Variants in UMAD1 observed in about 807,000 individuals in gnomAD.
UMAD1 encodes UBAP1-MVB12-associated (UMA) domain containing 1, also known as UBAP1-MVB12-associated (UMA)-domain containing protein 1.
UMAD1 carries 8 observed loss-of-function variants against 6.1 expected under a neutral mutation model. The observed-to-expected ratio is 1.30, with a 90% CI of 0.76 to 2.35. The LOEUF (loss-of-function observed/expected upper bound fraction) is 2.35, where lower values mean the gene tolerates loss of function less well. UMAD1 is among the 30% of genes most tolerant of loss of function. UMAD1 has a pLI of 0.00. For synonymous variants in UMAD1, 56 were observed against 31.4 expected (o/e 1.78, Z -2.61); for missense variants, 130 against 78.4 (o/e 1.66, Z -2.49).
intron 3 of UMAD1, among the ~76,000 whole-genome samples, chr7:7,873,091 T>C (rs1220893152): frequency 6.6e-6 from 1 of 152,252 alleles, no homozygotes; most frequent in African/African-American, 2.4e-5. Flanking sequence ...CTTTATTTAA[T>C]CCTTGCATTT....
At chr7:7,678,526 T>TTATATACTTAATTTATAGATAAATATA (rs1246147407) in intron 2 of UMAD1, among the ~76,000 whole-genome samples, 31 of 139,800 alleles carry the variant, frequency 2.2e-4, no homozygotes, top group South Asian at 1.3e-3. Flanking sequence ...ATAAATATAT[T>TTATATACTTAATTTATAGATAAATATA]TATATACTTA....
At chr7:7,863,613 A>G (rs1026159640) in intron 3 of UMAD1, among the ~76,000 whole-genome samples, 2 of 152,158 alleles carry the variant, frequency 1.3e-5, no homozygotes, top group East Asian at 3.8e-4. Flanking sequence ...TTTTTTATGT[A>G]AATGGGCAGT....
At chr7:7,788,841 G>A (rs987754470) in intron 2 of UMAD1, among the ~76,000 whole-genome samples, 2 of 152,154 alleles carry the variant, frequency 1.3e-5, no homozygotes, top group African/African-American at 2.4e-5. Flanking sequence ...ATTGAAAAAT[G>A]TCCCATCTTC....
chr7:7,835,815 A>G (rs981599425), intron 3 of UMAD1, among the ~76,000 whole-genome samples: 1 of 151,864 alleles, frequency 6.6e-6, no homozygotes, highest in Non-Finnish European at 1.5e-5. Context: ...TTTGTAGTCT[A>G]TTTAGTTTTT....
At chr7:7,650,679 A>G (rs962517294) in intron 1 of UMAD1, among the ~76,000 whole-genome samples, 3 of 152,358 alleles carry the variant, frequency 2.0e-5, no homozygotes, top group South Asian at 2.1e-4. Flanking sequence ...TAAAGTGGCA[A>G]TGTTACTTGT....
chr7:7,687,760 A>G (rs1780074638), intron 2 of UMAD1, among the ~76,000 whole-genome samples: 1 of 152,244 alleles, frequency 6.6e-6, no homozygotes, highest in Non-Finnish European at 1.5e-5. Context: ...CATATTTTTA[A>G]TGATAAGTAT....
intron 1 of UMAD1, among the ~76,000 whole-genome samples, chr7:7,644,034 A>G (rs1785038806): frequency 6.6e-6 from 1 of 152,110 alleles, no homozygotes; most frequent in Admixed American, 6.5e-5. Context: ...ATTTCCCCAA[A>G]TGGTGGTACC....
intron 3 of UMAD1, among the ~76,000 whole-genome samples, chr7:7,823,018 T>A (rs1783270143): frequency 6.6e-6 from 1 of 152,166 alleles, no homozygotes; most frequent in Admixed American, 6.6e-5. Flanking sequence ...ATTCTTTCTT[T>A]AAGGTTTTAA....
At chr7:7,871,195 C>G (rs1784325547) in intron 3 of UMAD1, among the ~76,000 whole-genome samples, 1 of 152,178 alleles carries the variant, frequency 6.6e-6, no homozygotes, top group African/African-American at 2.4e-5. Context: ...TAATGATTTT[C>G]TCAGTCCTTT....
intron 2 of UMAD1, among the ~76,000 whole-genome samples, chr7:7,775,940 A>G (rs73051929): frequency 0.08 from 12,238 of 152,224 alleles, 543 homozygotes; most frequent in Non-Finnish European, 0.094. Context: ...TTACAAAGTA[A>G]TACAAGGAAA....
intron 2 of UMAD1, among the ~76,000 whole-genome samples, chr7:7,716,604 A>G (rs1036353585): frequency 6.6e-6 from 1 of 152,224 alleles, no homozygotes; most frequent in African/African-American, 2.4e-5. Context: ...GGCAGGCAAC[A>G]TGGTGCTGGC....
At chr7:7,687,904 T>A (rs1419682080) in intron 2 of UMAD1, among the ~76,000 whole-genome samples, 1 of 152,236 alleles carries the variant, frequency 6.6e-6, no homozygotes. Flanking sequence ...ATTTCTGGCA[T>A]CCATCATTTC....
chr7:7,693,627 A>T (rs992407669), intron 2 of UMAD1, among the ~76,000 whole-genome samples: 5 of 152,090 alleles, frequency 3.3e-5, no homozygotes, highest in African/African-American at 1.2e-4. Context: ...ATATTTTAAA[A>T]ATTGTTTATT....
intron 3 of UMAD1, among the ~76,000 whole-genome samples, chr7:7,827,147 A>ATGTGTGTGTGTGTGTGTGTG: frequency 7.5e-6 from 1 of 134,150 alleles, no homozygotes; most frequent in Non-Finnish European, 1.6e-5. Flanking sequence ...ATATATATAT[A>ATGTGTGTGTGTGTGTGTGTG]TGTGTGTGTG....
At chr7:7,829,733 A>T (rs966068907) in intron 3 of UMAD1, among the ~76,000 whole-genome samples, 12 of 152,212 alleles carry the variant, frequency 7.9e-5, no homozygotes, top group Non-Finnish European at 1.6e-4. Context: ...TATGACACAA[A>T]GGTATATGTT....
intron 2 of UMAD1, among the ~76,000 whole-genome samples, chr7:7,691,891 C>G (rs1780180335): frequency 6.6e-6 from 1 of 152,146 alleles, no homozygotes; most frequent in African/African-American, 2.4e-5. Flanking sequence ...GCTAGTAGCT[C>G]AGTTTAGCCT....
intron 2 of UMAD1, among the ~76,000 whole-genome samples, chr7:7,745,114 C>T (rs181664315): frequency 1.3e-5 from 2 of 152,252 alleles, no homozygotes; most frequent in Non-Finnish European, 2.9e-5. Flanking sequence ...TTAAGAAAAA[C>T]ATAGAGAAGA....
At chr7:7,760,771 A>G (rs1781872899) in intron 2 of UMAD1, among the ~76,000 whole-genome samples, 1 of 152,148 alleles carries the variant, frequency 6.6e-6, no homozygotes, top group Non-Finnish European at 1.5e-5. Context: ...AATAGACTAA[A>G]AGAGAAGGTT....
chr7:7,756,976 A>G (rs1444267796), intron 2 of UMAD1, among the ~76,000 whole-genome samples: 1 of 152,212 alleles, frequency 6.6e-6, no homozygotes, highest in East Asian at 1.9e-4. Flanking sequence ...GTTTGACAGA[A>G]TAGCTACACA....
Sources: gnomAD v4.1 joint callset for allele counts (sites outside exome capture counted in the v4.1 genomes callset) on GRCh38, gnomAD v4.1.1 for gene constraint, MANE v1.5 for transcripts, NCBI Gene and HGNC (gene_info 2026-07-23, HGNC 2026-07-21) for gene names.